POGLUT2: variants seen among roughly 807,000 people sequenced by gnomAD.
POGLUT2 encodes protein O-glucosyltransferase 2.
Under a neutral mutation model 57.6 loss-of-function variants are expected in POGLUT2, and 47 were observed. That is an observed-to-expected ratio of 0.82 (90% CI 0.65 to 1.04). The LOEUF (loss-of-function observed/expected upper bound fraction) is 1.04, where lower values mean the gene tolerates loss of function less well. Among genes scored for constraint, POGLUT2 ranks in the 50% least tolerant of loss-of-function variants. The pLI, the probability that POGLUT2 is intolerant of heterozygous loss-of-function variation, is 0.00. For missense variants in POGLUT2, 565 were observed against 614.8 expected, an observed-to-expected ratio of 0.92 and a Z score of 0.86; for synonymous variants, 200 against 218.8, an observed-to-expected ratio of 0.91 and a Z score of 0.76.
intron 6 of POGLUT2, among the ~76,000 whole-genome samples, chr13:102,790,252 CTCGT>C (rs749878298): frequency 6.6e-6 from 1 of 152,224 alleles, no homozygotes; most frequent in Non-Finnish European, 1.5e-5. Context: ...GCAGACAGAA[CTCGT>C]TAATCACTTG....
Position 102,789,015 on chromosome 13 carries a change from T to C in POGLUT2, c.1290A>G (p.Glu430=), listed in dbSNP as rs760099809. 1 of 1,613,092 alleles carries C rather than the reference T, an allele frequency of 6.2e-7. No individual in the cohort carries two copies. Among genetic ancestry groups the C allele is most frequent in the South Asian group, 1.1e-5 (1 of 91,052 alleles). ...EKLKWAKDHD[E]EAKKIAKAGQ... is the part of the protein sequence containing the mutation. Reference sequence around the variant, plus strand: ...CCTTCAAGGGGACTAACCTTACCTCTTCATCGTGATCTTTCGCCCATTTAA... The same window carrying C: ...CCTTCAAGGGGACTAACCTTACCTCCTCATCGTGATCTTTCGCCCATTTAA... The change falls in exon 7 of 10, where the codon GAA becomes GAG. Residue 430 remains glutamate (E), a synonymous_variant. Coordinates refer to ENST00000376004, the MANE Select transcript of POGLUT2 (RefSeq NM_024089.3).
chr13:102,793,195 T>C, intron 4 of POGLUT2, 146 bp downstream of exon 4: 1 of 562,098 alleles, frequency 1.8e-6, no homozygotes, highest in African/African-American at 1.9e-5. Context: ...CGCAGGTACC[T>C]GAAATAACAG....
In POGLUT2 at chr13:102,790,935, A is replaced by G; in HGVS notation, c.1049T>C (p.Ile350Thr). ...FKHDENLYGP[I>T]VKHISFFDFF... ...ATCAAAAAATGAAATATGTTTCACA[A>G]TGGGACCATACAGGTTTTCATCGTG... Residue 350 changes from isoleucine (I) to threonine (T), a missense_variant, in exon 6 of 10, where the codon ATT becomes ACT. Physicochemically the swap from Ile to Thr is moderately conservative, Grantham distance 89. Transcript: ENST00000376004. 6.2e-7 allele frequency: 1 copy of G among 1,611,898 alleles called. No homozygotes were observed. The highest frequency in any genetic ancestry group is 8.5e-7 in the Non-Finnish European group (1 of 1,177,920).
chr13:102,795,111 G>T (rs1258238149), intron 2 of POGLUT2, among the ~76,000 whole-genome samples: 2 of 151,646 alleles, frequency 1.3e-5, no homozygotes, highest in African/African-American at 2.4e-5. Flanking sequence ...AATTAGCCAG[G>T]TGTTGTGGCG....
chr13:102,787,952 TA>T, intron 7 of POGLUT2, 29 bp from the exon 8 acceptor site: 1 of 1,428,842 alleles, frequency 7.0e-7, no homozygotes. Flanking sequence ...CAAAATCCTG[TA>T]ATAGAATCCA....
chr13:102,791,362 A>T lies in POGLUT2; in HGVS notation c.741T>A (p.Asn247Lys). ...AGGAAAAGATCGGATGGATGTTTGA[A>T]TTGGATTTCTTTTTTTCCAAAGGCC... ...GDWPLEKKKS[N>K]SNIHPIFSWC... The change falls in exon 5 of 10, where the codon AAT (asparagine) becomes AAA (lysine). Residue 247 changes from asparagine (N) to lysine (K), a missense_variant. By Grantham distance (94) the Asn-to-Lys change is moderately conservative. Coordinates refer to ENST00000376004, the MANE Select transcript of POGLUT2 (RefSeq NM_024089.3). The T allele has an allele frequency of 1.2e-6, 2 of 1,612,516 alleles. No individual in the cohort carries two copies. The highest frequency in any genetic ancestry group is 1.7e-6 in the Non-Finnish European group (2 of 1,179,684).
chr13:102,787,313 C>T (rs1412365488), intron 8 of POGLUT2, among the ~76,000 whole-genome samples: 1 of 152,172 alleles, frequency 6.6e-6, no homozygotes, highest in Non-Finnish European at 1.5e-5. Flanking sequence ...TCCCAAAGTG[C>T]TGGGATTACA....
chr13:102,795,250 C>CAAAAAAAAAAA (rs58015405), intron 2 of POGLUT2, among the ~76,000 whole-genome samples: 1 of 42,648 alleles, frequency 2.3e-5, no homozygotes, highest in Admixed American at 2.3e-4. Context: ...GACATCGTCT[C>CAAAAAAAAAAA]AAAAAAAAAA....
chr13:102,791,017 T>C lies in POGLUT2; in HGVS notation c.967A>G (p.Ser323Gly). 6.2e-7 allele frequency: 1 copy of C among 1,614,218 alleles called. No individual in the cohort carries two copies. The highest frequency in any genetic ancestry group is 1.1e-5 in the South Asian group (1 of 91,086). ...RKERLELVKLSRKHPELIDAA... is the reference protein window; with the variant it reads ...RKERLELVKLGRKHPELIDAA... The stretch of plus-strand genomic sequence containing the variant: ...TCTATGAGTTCTGGGTGTTTTCTAC[T>C]GAGTTTAACCAGCTCGAGTCTCTCT... Residue 323 changes from serine to glycine, a missense_variant, in exon 6 of 10, where the codon AGT becomes GGT. Physicochemically the swap from Ser to Gly is moderately conservative, Grantham distance 56. Transcript: ENST00000376004.
In POGLUT2 at chr13:102,791,343, A is replaced by T; in HGVS notation, c.760T>A (p.Phe254Ile). 2 of 1,613,072 alleles carry T rather than the reference A, an allele frequency of 1.2e-6. No homozygotes were observed. The highest frequency in any genetic ancestry group is 2.2e-5 in the South Asian group (2 of 90,758). The change falls in exon 5 of 10, where the codon TTT becomes ATT. Residue 254 changes from phenylalanine to isoleucine, a missense_variant. Transcript: ENST00000376004. ...KKSNSNIHPIFSWCGSTDSKD... is the reference protein window; with the variant it reads ...KKSNSNIHPIISWCGSTDSKD... ...GAATCTGTGGAGCCACACCAGGAAAAGATCGGATGGATGTTTGAATTGGAT... is the reference window on the plus strand; with the variant it reads ...GAATCTGTGGAGCCACACCAGGAAATGATCGGATGGATGTTTGAATTGGAT...
chr13:102,788,026 G>A, intron 7 of POGLUT2, 103 bp from the exon 8 acceptor site: 1 of 588,706 alleles, frequency 1.7e-6, no homozygotes. Flanking sequence ...GGCAACTGTG[G>A]GAAATAATAT....
At position 102,784,364 on chromosome 13, in the gene POGLUT2, A is replaced by C. The variant is rs1466890722; in HGVS notation, c.*131T>G. ...TCATGAGAATACTGCATAAGTAGAA[A>C]TGTGTCTTCATACTGCAAACAATCA... On this transcript the variant is annotated 3_prime_UTR_variant, in exon 10 of 10. Coordinates refer to ENST00000376004, the MANE Select transcript of POGLUT2 (RefSeq NM_024089.3). 3.2e-6 allele frequency: 2 copies of C among 625,648 alleles called. No individual in the cohort carries two copies. The highest frequency in any genetic ancestry group is 3.8e-5 in the African/African-American group (2 of 53,220). The allele number at this position is 625,648 out of a possible 1,614,324, so 38.8% of individuals were successfully genotyped here. A position where few individuals can be genotyped will look rare whatever the true frequency, so the allele number is the denominator to read the frequency against.
At chr13:102,797,389 T>G (rs1429828584) in intron 1 of POGLUT2, among the ~76,000 whole-genome samples, 1 of 152,216 alleles carries the variant, frequency 6.6e-6, no homozygotes, top group Non-Finnish European at 1.5e-5. Flanking sequence ...AATGATCTTA[T>G]TTTGAAAAAT....
At position 102,796,695 on chromosome 13, in the gene POGLUT2, A is replaced by ATAT. The variant is rs1251600965; in HGVS notation, c.388+108_388+109insATA. On this transcript the variant is annotated intron_variant, in intron 2 of 9. Coordinates refer to ENST00000376004, the MANE Select transcript of POGLUT2 (RefSeq NM_024089.3). ...TTTCTTCTTTCAGTAAAAAAAAAAA[A>ATAT]AAAAATATATATATATATATATATA... is the stretch of plus-strand genomic sequence containing the variant. 131 of 148,200 alleles carry ATAT rather than the reference A, an allele frequency of 8.8e-4. 1 individual carries two copies. The South Asian group carries it at 9.1e-3, about 10-fold the overall frequency. The allele number at this position is 148,200 out of a possible 1,614,324, so 9.2% of individuals were successfully genotyped here.
At position 102,791,102 on chromosome 13, in the gene POGLUT2, C is replaced by G; in HGVS notation, c.882G>C (p.Thr294=). The G allele has an allele frequency of 6.2e-7, 1 of 1,614,124 alleles. No individual in the cohort carries two copies. ...AATTTTTGCTTTCCCAGGGAGGACC[C>G]GTGTTAGCTTGCACGGACATCATAT... ...SLDMMSVQAN[T]GPPWESKNST... Residue 294 remains threonine (T), a synonymous_variant, in exon 6 of 10, where the codon ACG becomes ACC. Coordinates refer to ENST00000376004, the MANE Select transcript of POGLUT2 (RefSeq NM_024089.3).
At chr13:102,795,449 G>T (rs1319880917) in intron 2 of POGLUT2, among the ~76,000 whole-genome samples, 1 of 152,014 alleles carries the variant, frequency 6.6e-6, no homozygotes, top group Non-Finnish European at 1.5e-5. Context: ...TGTAGTCCCA[G>T]CTACTCATGC....
At position 102,798,957 on chromosome 13, in the gene POGLUT2, C is replaced by T. The variant is rs1261562634; in HGVS notation, c.-287G>A. ...GGACAATGATGAACTTGAGTTGCTC[C>T]TGCCACTGGAGCATCATTTGGGAGC... On this transcript the variant is annotated 5_prime_UTR_variant, in exon 1 of 10. Transcript: ENST00000376004. 1 of 413,206 alleles carries T rather than the reference C, an allele frequency of 2.4e-6. No homozygotes were observed. Among genetic ancestry groups the T allele is most frequent in the African/African-American group, 2.1e-5 (1 of 48,720 alleles). 25.6% of individuals were successfully genotyped at this position (413,206 alleles called of 1,614,324 possible). A position where few individuals can be genotyped will look rare whatever the true frequency, so the allele number is the denominator to read the frequency against.
Position 102,793,978 on chromosome 13 carries a change from C to T in POGLUT2, c.389-172G>A, listed in dbSNP as rs147204725. Among the ~76,000 whole-genome samples, 686 of 152,238 alleles carry T rather than the reference C, an allele frequency of 4.5e-3. 9 individuals are homozygous for T. The highest frequency in any genetic ancestry group is 0.015 in the African/African-American group (643 of 41,538). On this transcript the variant is annotated intron_variant, in intron 2 of 9. Transcript: ENST00000376004. ...ACAGGCCAGCAAGGTTGGCTCATGT[C>T]GGTAATCCCAGCACTTTGGGAGGCT...
chr13:102,792,806 G>C (rs1276256989), intron 4 of POGLUT2, among the ~76,000 whole-genome samples: 1 of 152,078 alleles, frequency 6.6e-6, no homozygotes, highest in Non-Finnish European at 1.5e-5. Context: ...TTTTTTTGGG[G>C]GGGGACAGGA....
Sources: allele counts gnomAD v4.1 joint callset (sites outside exome capture counted in the v4.1 genomes callset), GRCh38; gene constraint gnomAD v4.1.1; transcripts MANE v1.5; gene names NCBI Gene and HGNC (gene_info 2026-07-23, HGNC 2026-07-21).